Variants in GPC5 observed in about 807,000 individuals in gnomAD.
The protein encoded by GPC5 is glypican-5.
GPC5 carries 47 observed loss-of-function variants against 53.9 expected under a neutral mutation model. The ratio of observed to expected loss-of-function variants is 0.87; its 90% CI spans 0.69 to 1.11. The LOEUF (loss-of-function observed/expected upper bound fraction) is 1.11, where lower values mean the gene tolerates loss of function less well. Ranked by LOEUF, GPC5 falls within the 50% of genes most tolerant of loss-of-function variation. The pLI is 0.00. For synonymous variants in GPC5, 286 were observed against 263.3 expected (o/e 1.09, Z -0.84); for missense variants, 748 against 713.1 (o/e 1.05, Z -0.56).
At chr13:92,068,858 C>T (rs1221342790) in intron 6 of GPC5, among the ~76,000 whole-genome samples, 1 of 151,602 alleles carries the variant, frequency 6.6e-6, no homozygotes, top group Admixed American at 6.6e-5. Context: ...AAAAAGGATG[C>T]AACTCAGTGC....
chr13:92,415,676 TA>T lies in GPC5; in HGVS notation c.1561+270701del, dbSNP rs34520808. ...CTGAGAGGAAGGTTCCAGCTGGAGG[TA>T]AAAAAAAAAAAAAGAAGTAATAGCA... On this transcript the variant is annotated intron_variant, in intron 7 of 7. Transcript: ENST00000377067. 8.0e-3 allele frequency among the ~76,000 whole-genome samples: 1,139 copies of T among 143,232 alleles called. 13 individuals are homozygous for T. Among genetic ancestry groups the T allele is most frequent in the Middle Eastern group, 0.052 (14 of 270 alleles). The allele number at this position is 143,232 out of a possible 152,430, so 94.0% of individuals were successfully genotyped here.
intron 7 of GPC5, among the ~76,000 whole-genome samples, chr13:92,759,603 C>G (rs371898993): frequency 9.5e-4 from 144 of 152,064 alleles, no homozygotes; most frequent in African/African-American, 3.4e-3. Flanking sequence ...TTGGGTTGAA[C>G]AGTTTTTTGG....
chr13:92,068,820 T>C (rs554776887), intron 6 of GPC5, among the ~76,000 whole-genome samples: 26 of 151,924 alleles, frequency 1.7e-4, no homozygotes, highest in African/African-American at 6.3e-4. Context: ...AATTAAGGTA[T>C]AATTCATACA....
chr13:91,942,686 T>A (rs574337038), intron 6 of GPC5, among the ~76,000 whole-genome samples: 8 of 152,066 alleles, frequency 5.3e-5, no homozygotes, highest in Non-Finnish European at 1.2e-4. Context: ...ATACTACTTT[T>A]ATGACACTGA....
intron 5 of GPC5, among the ~76,000 whole-genome samples, chr13:91,838,037 A>C (rs72647288): frequency 6.6e-6 from 1 of 152,164 alleles, no homozygotes; most frequent in Non-Finnish European, 1.5e-5. Flanking sequence ...TGCATTCAAC[A>C]GTCAAGTGAC....
At chr13:92,140,464 CAT>C (rs1297534010) in intron 6 of GPC5, among the ~76,000 whole-genome samples, 3 of 152,084 alleles carry the variant, frequency 2.0e-5, no homozygotes, top group Non-Finnish European at 4.4e-5. Context: ...AGACAAATCT[CAT>C]ATAGACAAGA....
At chr13:91,459,379 G>A (rs1029501535) in intron 2 of GPC5, among the ~76,000 whole-genome samples, 4 of 152,056 alleles carry the variant, frequency 2.6e-5, no homozygotes, top group African/African-American at 4.8e-5. Context: ...AAGAGGCACC[G>A]TGGTGACTTG....
intron 6 of GPC5, among the ~76,000 whole-genome samples, chr13:92,058,181 A>G (rs1301881227): frequency 2.0e-5 from 3 of 152,140 alleles, no homozygotes. Context: ...AGATTTTTTA[A>G]AAAATATATT....
At chr13:92,068,460 A>G (rs2138861825) in intron 6 of GPC5, among the ~76,000 whole-genome samples, 1 of 151,860 alleles carries the variant, frequency 6.6e-6, no homozygotes, top group Admixed American at 6.6e-5. Context: ...TCATTAGCAA[A>G]TAATGACCAG....
At chr13:92,388,091 TC>T (rs1339279580) in intron 7 of GPC5, among the ~76,000 whole-genome samples, 11 of 152,058 alleles carry the variant, frequency 7.2e-5, no homozygotes, top group African/African-American at 2.7e-4. Flanking sequence ...TATATCCTTT[TC>T]TTAAGTTAGA....
chr13:92,570,746 G>T (rs572437762), intron 7 of GPC5, among the ~76,000 whole-genome samples: 3 of 151,970 alleles, frequency 2.0e-5, no homozygotes, highest in Admixed American at 6.6e-5. Context: ...AAAAGAAAGG[G>T]TGTCTGAATT....
chr13:92,058,459 C>T (rs2041094060), intron 6 of GPC5, among the ~76,000 whole-genome samples: 1 of 152,234 alleles, frequency 6.6e-6, no homozygotes, highest in African/African-American at 2.4e-5. Flanking sequence ...ATCAACATCC[C>T]ACACCAGAGT....
chr13:92,493,534 G>A (rs1251472482), intron 7 of GPC5, among the ~76,000 whole-genome samples: 1 of 152,190 alleles, frequency 6.6e-6, no homozygotes, highest in African/African-American at 2.4e-5. Context: ...TTTTGGTTGA[G>A]AGGAAGAGCG....
At chr13:91,866,187 A>G (rs954618182) in intron 5 of GPC5, among the ~76,000 whole-genome samples, 13 of 152,288 alleles carry the variant, frequency 8.5e-5, no homozygotes, top group African/African-American at 3.1e-4. Flanking sequence ...TTTTAAATTC[A>G]TGCTTCTGAA....
intron 7 of GPC5, among the ~76,000 whole-genome samples, chr13:92,736,581 C>G (rs1281673132): frequency 6.6e-6 from 1 of 151,846 alleles, no homozygotes; most frequent in Non-Finnish European, 1.5e-5. Context: ...AACAAGCTGT[C>G]CCTGAGCACT....
At chr13:92,822,470 G>A (rs913217051) in intron 7 of GPC5, among the ~76,000 whole-genome samples, 27 of 152,124 alleles carry the variant, frequency 1.8e-4, no homozygotes, top group African/African-American at 6.5e-4. Context: ...AACCCCAAAA[G>A]TCTGAAGATA....
chr13:92,233,913 G>GT (rs1344176169), intron 7 of GPC5, among the ~76,000 whole-genome samples: 20 of 151,994 alleles, frequency 1.3e-4, no homozygotes, highest in Middle Eastern at 3.2e-3. Flanking sequence ...CTGGTGTTTG[G>GT]TTTTTTGTCC....
At chr13:91,652,015 A>G (rs2139561326) in intron 2 of GPC5, among the ~76,000 whole-genome samples, 1 of 152,314 alleles carries the variant, frequency 6.6e-6, no homozygotes, top group East Asian at 1.9e-4. Flanking sequence ...GAATATATTA[A>G]TAGGCAGATC....
chr13:91,485,745 C>T (rs949144636), intron 2 of GPC5: 3 of 151,988 alleles, frequency 2.0e-5, no homozygotes, highest in Non-Finnish European at 4.4e-5. Context: ...AACACTGATT[C>T]CAAATGAAAA....
Sources: gnomAD v4.1 joint callset for allele counts (sites outside exome capture counted in the v4.1 genomes callset) on GRCh38, gnomAD v4.1.1 for gene constraint, MANE v1.5 for transcripts, NCBI Gene and HGNC (gene_info 2026-07-23, HGNC 2026-07-21) for gene names.